The following PTPRT variants were observed in gnomAD, a reference collection of about 807,000 sequenced individuals.
PTPRT encodes receptor-type tyrosine-protein phosphatase T.
Under a neutral mutation model 176.8 loss-of-function variants are expected in PTPRT, and 56 were observed. The ratio of observed to expected loss-of-function variants is 0.32; its 90% CI spans 0.26 to 0.40. The LOEUF is 0.40. Among genes scored for constraint, PTPRT ranks in the 10% least tolerant of loss-of-function variants. PTPRT has a pLI of 1.00. For missense variants in PTPRT, 1,540 were observed against 1,908.2 expected (o/e 0.81, Z 3.60); for synonymous variants, 783 against 739.0 (o/e 1.06, Z -0.96).
chr20:42,365,351 C>A (rs2058498896), intron 9 of PTPRT, among the ~76,000 whole-genome samples: 1 of 152,062 alleles, frequency 6.6e-6, no homozygotes, highest in Admixed American at 6.6e-5. Flanking sequence ...GTGTTGTACC[C>A]CTATGAATTT....
In PTPRT at chr20:42,687,688, A is replaced by C. The variant is rs142609861; in HGVS notation, c.860-9529T>G. 3.3e-5 allele frequency: 5 copies of C among 152,302 alleles called. No homozygotes were observed. In the East Asian group the frequency reaches 9.7e-4, roughly 30 times the overall value. The allele number at this position is 152,302 out of a possible 1,614,324, so 9.4% of individuals were successfully genotyped here. ...GTTCCAGGGCAGCATGGGTTCACAA[A>C]TGGGCACCCTTCACTCCCCTCCCCC... On this transcript the variant is annotated intron_variant, in intron 6 of 30. Transcript: ENST00000373187.
intron 9 of PTPRT, among the ~76,000 whole-genome samples, chr20:42,414,148 T>C (rs934892995): frequency 6.6e-6 from 1 of 152,176 alleles, no homozygotes; most frequent in Non-Finnish European, 1.5e-5. Context: ...TTGTTTACTG[T>C]CTACAGAATG....
intron 2 of PTPRT, among the ~76,000 whole-genome samples, chr20:42,881,833 G>A (rs1481924040): frequency 6.6e-6 from 1 of 151,638 alleles, no homozygotes; most frequent in Admixed American, 6.6e-5. Flanking sequence ...AAGGAACAAG[G>A]AACAATATGT....
At chr20:42,122,843 T>C (rs1235062150) in intron 19 of PTPRT, among the ~76,000 whole-genome samples, 1 of 152,162 alleles carries the variant, frequency 6.6e-6, no homozygotes, top group Non-Finnish European at 1.5e-5. Flanking sequence ...TCCATTTTCA[T>C]CTCCAGCCTC....
chr20:43,163,876 C>T (rs964304760), intron 1 of PTPRT, among the ~76,000 whole-genome samples: 8 of 152,066 alleles, frequency 5.3e-5, no homozygotes, highest in African/African-American at 1.9e-4. Context: ...CTCTCCTTTA[C>T]GAAATGTGTT....
At chr20:42,967,223 A>T (rs1982348614) in intron 1 of PTPRT, among the ~76,000 whole-genome samples, 1 of 152,174 alleles carries the variant, frequency 6.6e-6, no homozygotes. Flanking sequence ...TCCATCTCCT[A>T]ATCTCTTGAA....
At chr20:42,884,103 G>T (rs1179541933) in intron 2 of PTPRT, among the ~76,000 whole-genome samples, 4 of 152,072 alleles carry the variant, frequency 2.6e-5, no homozygotes, top group Non-Finnish European at 5.9e-5. Context: ...GGTCCCTAAT[G>T]GGATGGGTGA....
chr20:42,225,225 T>G (rs2055978917), intron 15 of PTPRT, among the ~76,000 whole-genome samples: 1 of 152,158 alleles, frequency 6.6e-6, no homozygotes, highest in South Asian at 2.1e-4. Context: ...AACCTATATC[T>G]GCTAGTTACA....
intron 2 of PTPRT, among the ~76,000 whole-genome samples, chr20:42,845,396 AC>A (rs1439699745): frequency 3.3e-5 from 5 of 152,050 alleles, no homozygotes; most frequent in Non-Finnish European, 5.9e-5. Context: ...TTTTATATAA[AC>A]CTGTTTCTCA....
intron 20 of PTPRT, among the ~76,000 whole-genome samples, chr20:42,118,758 C>T (rs1419521304): frequency 1.3e-5 from 2 of 152,078 alleles, no homozygotes; most frequent in African/African-American, 4.8e-5. Flanking sequence ...GGCAGCCTCT[C>T]CTCTCCCTTC....
chr20:42,567,795 T>A (rs900627799), intron 7 of PTPRT, among the ~76,000 whole-genome samples: 1 of 152,186 alleles, frequency 6.6e-6, no homozygotes, highest in African/African-American at 2.4e-5. Context: ...GTTTTATAAT[T>A]GTGATATATT....
chr20:42,095,882 T>G (rs1600494902), intron 27 of PTPRT, among the ~76,000 whole-genome samples: 2 of 152,168 alleles, frequency 1.3e-5, no homozygotes, highest in East Asian at 3.9e-4. Flanking sequence ...GGAACGTCTC[T>G]CACAGGCACA....
intron 6 of PTPRT, among the ~76,000 whole-genome samples, chr20:42,742,014 T>C (rs564135342): frequency 6.6e-6 from 1 of 152,186 alleles, no homozygotes; most frequent in East Asian, 1.9e-4. Context: ...GGACAAACAT[T>C]GAAGAATAAA....
intron 9 of PTPRT, among the ~76,000 whole-genome samples, chr20:42,401,092 C>T (rs1043992962): frequency 6.6e-5 from 10 of 150,724 alleles, no homozygotes; most frequent in African/African-American, 1.7e-4. Context: ...GATAGGTTGA[C>T]GCAGATTTCA....
At chr20:42,122,089 T>A (rs138145039) in intron 19 of PTPRT, among the ~76,000 whole-genome samples, 5 of 152,162 alleles carry the variant, frequency 3.3e-5, no homozygotes, top group Admixed American at 1.3e-4. Flanking sequence ...ATTCAGGTGA[T>A]GGTTACACTA....
intron 7 of PTPRT, among the ~76,000 whole-genome samples, chr20:42,648,820 G>GTTGTTTTTTTTTTTTTTTTTTTTTTTTT (rs1310734163): frequency 2.7e-5 from 3 of 111,838 alleles, no homozygotes; most frequent in Admixed American, 9.3e-5. Context: ...TGGTGTCGTT[G>GTTGTTTTTTTTTTTTTTTTTTTTTTTTT]TTTTTTTTTT....
At chr20:42,881,586 A>G (rs1019612629) in intron 2 of PTPRT, among the ~76,000 whole-genome samples, 2 of 152,084 alleles carry the variant, frequency 1.3e-5, no homozygotes, top group African/African-American at 4.8e-5. Context: ...TTAGCCAGGC[A>G]TGGCGATGTG....
intron 1 of PTPRT, among the ~76,000 whole-genome samples, chr20:43,172,621 A>G (rs1366638003): frequency 6.6e-6 from 1 of 152,210 alleles, no homozygotes; most frequent in East Asian, 1.9e-4. Flanking sequence ...CAATAGCACT[A>G]TAACCAAGGA....
At chr20:42,359,731 A>G (rs35604003) in intron 9 of PTPRT, among the ~76,000 whole-genome samples, 34,909 of 152,232 alleles carry the variant, frequency 0.23, 4,846 homozygotes, top group Non-Finnish European at 0.3. Flanking sequence ...CCTGCTTTCC[A>G]AAGCCAAGCT....
Sources: allele counts gnomAD v4.1 joint callset (sites outside exome capture counted in the v4.1 genomes callset), GRCh38; gene constraint gnomAD v4.1.1; transcripts MANE v1.5; gene names NCBI Gene and HGNC (gene_info 2026-07-23, HGNC 2026-07-21).